Variants in ADCY2 observed in about 807,000 individuals in gnomAD.
ADCY2 encodes adenylate cyclase 2.
Under a neutral mutation model 125.2 loss-of-function variants are expected in ADCY2, and 31 were observed. The ratio of observed to expected loss-of-function variants is 0.25; its 90% confidence interval spans 0.19 to 0.33. The LOEUF (loss-of-function observed/expected upper bound fraction) is 0.33. Ranked by LOEUF, ADCY2 falls within the 10% of genes least tolerant of loss-of-function variation. ADCY2 has a pLI of 1.00. For synonymous variants in ADCY2, 512 were observed against 548.4 expected, an observed-to-expected ratio of 0.93 and a Z score of 0.93; for missense variants, 904 against 1,418.2, an observed-to-expected ratio of 0.64 and a Z score of 5.82.
In ADCY2 at chr5:7,498,288, G is replaced by T. The variant is rs926205267; in HGVS notation, c.409-22450G>T. ...TTTTAAGACAGAGTCTCGCTCTATCGCCCAGGCTGGGGTGCAGTGGCACAA... is the reference window on the plus strand; with the variant it reads ...TTTTAAGACAGAGTCTCGCTCTATCTCCCAGGCTGGGGTGCAGTGGCACAA... On this transcript the variant is annotated intron_variant, in intron 2 of 24. Coordinates refer to ENST00000338316, the MANE Select transcript of ADCY2 (RefSeq NM_020546.3). Among the ~76,000 whole-genome samples the T allele has an allele frequency of 9.8e-5, 11 of 112,628 alleles. No individual in the cohort carries two copies. The Admixed American group carries it at 1.4e-3, about 14-fold the overall frequency. The allele number at this position is 112,628 out of a possible 152,430, so 73.9% of individuals were successfully genotyped here.
intron 2 of ADCY2, among the ~76,000 whole-genome samples, chr5:7,415,450 G>T (rs115877590): frequency 3.1e-3 from 474 of 152,216 alleles, no homozygotes; most frequent in African/African-American, 0.011. Context: ...CCACAGTTTC[G>T]ACAACTCAGT....
intron 2 of ADCY2, among the ~76,000 whole-genome samples, chr5:7,472,490 T>A (rs1248400919): frequency 6.6e-6 from 1 of 151,804 alleles, no homozygotes; most frequent in Non-Finnish European, 1.5e-5. Context: ...ACATATATAA[T>A]ATATGATGCA....
intron 7 of ADCY2, among the ~76,000 whole-genome samples, chr5:7,698,909 G>A (rs1193406338): frequency 2.0e-5 from 3 of 151,946 alleles, no homozygotes; most frequent in Non-Finnish European, 2.9e-5. Flanking sequence ...ACCCAGTAAT[G>A]GGACTGCTGG....
intron 3 of ADCY2, among the ~76,000 whole-genome samples, chr5:7,547,089 G>A (rs76956721): frequency 0.081 from 12,345 of 152,274 alleles, 719 homozygotes; most frequent in Non-Finnish European, 0.12. Context: ...TAGCAGAGCT[G>A]CTGCTACTGA....
At chr5:7,552,181 T>A (rs1735366241) in intron 3 of ADCY2, among the ~76,000 whole-genome samples, 1 of 152,228 alleles carries the variant, frequency 6.6e-6, no homozygotes, top group Admixed American at 6.5e-5. Context: ...TAGAAAGGGT[T>A]CTTTCATGAA....
At chr5:7,444,318 T>A (rs1296267547) in intron 2 of ADCY2, among the ~76,000 whole-genome samples, 1 of 152,018 alleles carries the variant, frequency 6.6e-6, no homozygotes, top group Non-Finnish European at 1.5e-5. Flanking sequence ...GGTTTCACCG[T>A]GTTAGCCAGG....
intron 3 of ADCY2, among the ~76,000 whole-genome samples, chr5:7,597,776 C>T (rs553246271): frequency 3.7e-4 from 56 of 152,152 alleles, no homozygotes; most frequent in Non-Finnish European, 5.9e-5. Flanking sequence ...CAGACTGAGA[C>T]CCTGCCTCAA....
At chr5:7,764,568 T>G (rs1327989391) in intron 16 of ADCY2, among the ~76,000 whole-genome samples, 7 of 152,226 alleles carry the variant, frequency 4.6e-5, no homozygotes, top group Non-Finnish European at 1.0e-4. Flanking sequence ...AATGTAATTC[T>G]GATATGTTTT....
In ADCY2 at chr5:7,660,247, G is replaced by A. The variant is rs915468998; in HGVS notation, c.721-30444G>A. ...GGGAGGGAGGGAGGGAGAGAAGGAAGGAAGGAAGGAAGGAAGGAAGGAAGG... is the reference window on the plus strand; with the variant it reads ...GGGAGGGAGGGAGGGAGAGAAGGAAAGAAGGAAGGAAGGAAGGAAGGAAGG... On this transcript the variant is annotated intron_variant, in intron 4 of 24. Coordinates refer to ENST00000338316, the MANE Select transcript of ADCY2 (RefSeq NM_020546.3). Among the ~76,000 whole-genome samples, 546 of 60,548 alleles carry A rather than the reference G, an allele frequency of 9.0e-3. 6 individuals carry two copies. The highest frequency in any genetic ancestry group is 0.021 in the African/African-American group (527 of 25,480). 39.7% of individuals were successfully genotyped at this position (60,548 alleles called of 152,430 possible). A position where few individuals can be genotyped will look rare whatever the true frequency, so the allele number is the denominator to read the frequency against.
chr5:7,544,654 AG>A (rs1453924028), intron 3 of ADCY2, among the ~76,000 whole-genome samples: 1 of 152,108 alleles, frequency 6.6e-6, no homozygotes, highest in Non-Finnish European at 1.5e-5. Flanking sequence ...ACAACATTGG[AG>A]GGGCCATGGC....
At chr5:7,620,971 G>A (rs1183907365) in intron 3 of ADCY2, among the ~76,000 whole-genome samples, 1 of 151,806 alleles carries the variant, frequency 6.6e-6, no homozygotes, top group Non-Finnish European at 1.5e-5. Flanking sequence ...TCAGCCTGCA[G>A]GGTGCTGCCT....
At chr5:7,619,096 T>C (rs1737865283) in intron 3 of ADCY2, among the ~76,000 whole-genome samples, 1 of 152,190 alleles carries the variant, frequency 6.6e-6, no homozygotes, top group Non-Finnish European at 1.5e-5. Context: ...CATTCGACTA[T>C]CTAAACTCAA....
intron 2 of ADCY2, among the ~76,000 whole-genome samples, chr5:7,475,816 G>A (rs192865015): frequency 1.3e-5 from 2 of 152,314 alleles, no homozygotes; most frequent in Middle Eastern, 3.4e-3. Flanking sequence ...AGACTGTGGC[G>A]GGACTGAGTT....
chr5:7,429,480 G>A (rs1740510434), intron 2 of ADCY2, among the ~76,000 whole-genome samples: 2 of 152,140 alleles, frequency 1.3e-5, no homozygotes, highest in South Asian at 4.1e-4. Flanking sequence ...AATGCATGTG[G>A]AACATTTATT....
chr5:7,485,855 G>A (rs1212209833), intron 2 of ADCY2, among the ~76,000 whole-genome samples: 1 of 152,142 alleles, frequency 6.6e-6, no homozygotes, highest in Non-Finnish European at 1.5e-5. Context: ...TAGAAAAACA[G>A]ATAGGAGGAG....
intron 12 of ADCY2, among the ~76,000 whole-genome samples, chr5:7,724,220 A>T (rs1311656723): frequency 6.7e-6 from 1 of 149,198 alleles, no homozygotes; most frequent in Non-Finnish European, 1.5e-5. Flanking sequence ...CAAATTATTG[A>T]TGTCTTTACT....
chr5:7,708,357 T>C lies in ADCY2; in HGVS notation c.1401+519T>C, dbSNP rs1741332384. 2.0e-5 allele frequency among the ~76,000 whole-genome samples: 3 copies of C among 152,200 alleles called. No individual in the cohort carries two copies. In the South Asian group the frequency reaches 6.2e-4, roughly 31 times the overall value. The stretch of plus-strand genomic sequence containing the variant: ...ACAAGCATATTTACCTTCCGTAACA[T>C]AAGAACATCTACTGCCTGAGATGAT... On this transcript the variant is annotated intron_variant, in intron 9 of 24. Transcript: ENST00000338316.
chr5:7,689,669 A>G (rs187226106), intron 4 of ADCY2, among the ~76,000 whole-genome samples: 375 of 152,244 alleles, frequency 2.5e-3, no homozygotes, highest in Non-Finnish European at 4.0e-3. Context: ...TGAACCTGGA[A>G]GCAAATCCGA....
chr5:7,420,221 G>C (rs1264825079), intron 2 of ADCY2, among the ~76,000 whole-genome samples: 1 of 152,154 alleles, frequency 6.6e-6, no homozygotes, highest in African/African-American at 2.4e-5. Flanking sequence ...TTCCGAGCCT[G>C]AGAAGCCGCA....
Sources: gnomAD v4.1 joint callset for allele counts (sites outside exome capture counted in the v4.1 genomes callset) on GRCh38, gnomAD v4.1.1 for gene constraint, MANE v1.5 for transcripts, NCBI Gene and HGNC (gene_info 2026-07-23, HGNC 2026-07-21) for gene names.